Variants in RCN3 observed in about 807,000 individuals in gnomAD.
RCN3 encodes the protein reticulocalbin 3.
RCN3 carries 41 observed loss-of-function variants against 35.9 expected under a neutral mutation model. The ratio of observed to expected loss-of-function variants is 1.14; its 90% CI spans 0.89 to 1.48. The LOEUF (loss-of-function observed/expected upper bound fraction) is 1.48. RCN3 is among the 40% of genes most tolerant of loss of function. The probability of loss-of-function intolerance (pLI) is 0.00; values close to 1 mark genes in which losing one functional copy is unlikely to be tolerated. For synonymous variants in RCN3, 187 were observed against 193.4 expected (o/e 0.97, Z 0.27); for missense variants, 451 against 471.3 (o/e 0.96, Z 0.40).
chr19:49,534,366 G>A lies in RCN3; in HGVS notation c.416G>A (p.Arg139His). 6 of 1,537,372 alleles carry A rather than the reference G, an allele frequency of 3.9e-6. No individual in the cohort carries two copies. Among genetic ancestry groups the A allele is most frequent in the Non-Finnish European group, 2.6e-6 (3 of 1,143,408 alleles). The change falls in exon 3 of 7, where the codon CGC becomes CAC. Residue 139 changes from arginine to histidine, a missense_variant. Arg to His is a conservative substitution (Grantham distance 29, BLOSUM62 0). Coordinates refer to ENST00000270645, the MANE Select transcript of RCN3 (RefSeq NM_020650.3). ...GGGCGTGTGGGTTGGGAGGAGCTGCGCAACGCCACCTATGGCCACTACGCG... is the reference window on the plus strand; with the variant it reads ...GGGCGTGTGGGTTGGGAGGAGCTGCACAACGCCACCTATGGCCACTACGCG... Reference protein sequence around the residue: ...RDGRVGWEELRNATYGHYAPG... With the variant: ...RDGRVGWEELHNATYGHYAPG...
intron 5 of RCN3, 66 bp from the exon 6 acceptor site, chr19:49,542,487 C>A (rs2080167210): frequency 1.7e-6 from 2 of 1,179,460 alleles, no homozygotes; most frequent in Non-Finnish European, 2.4e-6. Flanking sequence ...GAGCCAGGAT[C>A]AGCCCCCAGC....
At chr19:49,535,275 TC>T (rs960942566) in intron 3 of RCN3, among the ~76,000 whole-genome samples, 2 of 152,070 alleles carry the variant, frequency 1.3e-5, no homozygotes, top group African/African-American at 2.4e-5. Context: ...ACAATGCCCG[TC>T]CCCTCCTCTC....
chr19:49,533,862 G>A (rs944056698), intron 2 of RCN3, among the ~76,000 whole-genome samples: 4 of 152,176 alleles, frequency 2.6e-5, no homozygotes, highest in African/African-American at 9.7e-5. Flanking sequence ...TCGGCCCAGC[G>A]AGAGGTGCAG....
At chr19:49,534,760 C>T (rs10419198) in intron 3 of RCN3, among the ~76,000 whole-genome samples, 65,567 of 151,844 alleles carry the variant, frequency 0.43, 18,464 homozygotes, top group African/African-American at 0.81. Flanking sequence ...CCCTTCAGGG[C>T]TTTCATTCTG....
chr19:49,534,045 T>A (rs2122723266), intron 2 of RCN3, 148 bp from the exon 3 acceptor site: 1 of 816,134 alleles, frequency 1.2e-6, no homozygotes, highest in East Asian at 3.3e-5. Flanking sequence ...GGTCCCGAAA[T>A]TGACCCGCGC....
chr19:49,542,420 C>T (rs1009169303), intron 5 of RCN3, 133 bp from the exon 6 acceptor site: 8 of 609,916 alleles, frequency 1.3e-5, no homozygotes, highest in African/African-American at 3.7e-5. Context: ...CAGAAGAGGA[C>T]GCTGAGGCGA....
At chr19:49,535,216 A>C (rs1482417486) in intron 3 of RCN3, among the ~76,000 whole-genome samples, 1 of 151,880 alleles carries the variant, frequency 6.6e-6, no homozygotes, top group Non-Finnish European at 1.5e-5. Flanking sequence ...TCCTGAACTC[A>C]CCACACTCTT....
At chr19:49,537,416 C>G (rs2080141769) in intron 4 of RCN3, among the ~76,000 whole-genome samples, 1 of 152,204 alleles carries the variant, frequency 6.6e-6, no homozygotes, top group African/African-American at 2.4e-5. Context: ...CTCTCCTCGT[C>G]TGGCCTTCCC....
intron 2 of RCN3, among the ~76,000 whole-genome samples, chr19:49,530,305 G>A (rs1304682598): frequency 1.4e-5 from 2 of 146,302 alleles, no homozygotes; most frequent in South Asian, 2.2e-4. Flanking sequence ...GACTATGGGT[G>A]CACGCCCACA....
In RCN3 at chr19:49,543,272, G is replaced by T. The variant is rs536427477; in HGVS notation, c.*59G>T. On this transcript the variant is annotated 3_prime_UTR_variant, in exon 7 of 7. Transcript: ENST00000270645. Reference sequence around the variant, plus strand: ...CACAATGACCGGAGGAGGGGCCGCTGTGGTCTGGCCCCCTCCCTGTCCAGG... The same window carrying T: ...CACAATGACCGGAGGAGGGGCCGCTTTGGTCTGGCCCCCTCCCTGTCCAGG... 4.4e-4 allele frequency: 607 copies of T among 1,378,310 alleles called. 4 individuals carry two copies. The African/African-American group carries it at 8.0e-3, about 18-fold the overall frequency. 85.4% of individuals were successfully genotyped at this position (1,378,310 alleles called of 1,614,324 possible). A position where few individuals can be genotyped will look rare whatever the true frequency, so the allele number is the denominator to read the frequency against.
At position 49,528,506 on chromosome 19, in the gene RCN3, T is replaced by C. The variant is rs1601204887; in HGVS notation, c.34T>C (p.Leu12=). 6.5e-7 allele frequency: 1 copy of C among 1,538,952 alleles called. No individual in the cohort carries two copies. The highest frequency in any genetic ancestry group is 2.3e-5 in the East Asian group (1 of 42,630). Residue 12 remains leucine (L), a synonymous_variant, in exon 2 of 7, where the codon TTG becomes CTG. Transcript: ENST00000270645. The part of the protein sequence containing the change: ...MWRPSVLLLL[L]LLRHGAQGKP... Reference sequence around the variant, plus strand: ...GCGACCATCAGTTCTGCTGCTTCTGTTGCTACTGAGGCACGGGGCCCAGGG... The same window carrying C: ...GCGACCATCAGTTCTGCTGCTTCTGCTGCTACTGAGGCACGGGGCCCAGGG...
chr19:49,532,941 G>A (rs2080116117), intron 2 of RCN3, among the ~76,000 whole-genome samples: 2 of 152,162 alleles, frequency 1.3e-5, no homozygotes, highest in African/African-American at 2.4e-5. Context: ...TTCCCAAAGT[G>A]CTGGGATTAC....
At chr19:49,531,472 A>G (rs28539216) in intron 2 of RCN3, among the ~76,000 whole-genome samples, 3 of 152,272 alleles carry the variant, frequency 2.0e-5, no homozygotes, top group East Asian at 1.9e-4. Flanking sequence ...CTTTTCTCCA[A>G]TTGAGAGTAG....
chr19:49,534,170 C>G (rs1401992961), intron 2 of RCN3, 23 bp from the exon 3 acceptor site: 1 of 1,475,594 alleles, frequency 6.8e-7, no homozygotes, highest in East Asian at 2.7e-5. Flanking sequence ...CAGAGCCTGA[C>G]GTGTGCCCGC....
intron 3 of RCN3, among the ~76,000 whole-genome samples, chr19:49,535,305 C>G (rs569532809): frequency 6.6e-6 from 1 of 152,160 alleles, no homozygotes; most frequent in African/African-American, 2.4e-5. Flanking sequence ...CATCTCAGTC[C>G]CTGTAAGCTA....
chr19:49,531,889 C>T (rs2080109640), intron 2 of RCN3, among the ~76,000 whole-genome samples: 1 of 152,072 alleles, frequency 6.6e-6, no homozygotes, highest in Admixed American at 6.6e-5. Flanking sequence ...CAAGCTCCAC[C>T]TCCCGGGTTC....
chr19:49,538,175 T>C (rs2080145898), intron 4 of RCN3, among the ~76,000 whole-genome samples: 4 of 149,420 alleles, frequency 2.7e-5, no homozygotes. Flanking sequence ...TTTTTTTTTT[T>C]TTTTTCAGAC....
Position 49,543,353 on chromosome 19 carries a change from A to G in RCN3, c.*140A>G. On this transcript the variant is annotated 3_prime_UTR_variant, in exon 7 of 7. Transcript: ENST00000270645. The stretch of plus-strand genomic sequence containing the variant: ...TCCTCCTGCCCCTGGGCTCTCAGGG[A>G]CCCCCTGGGTCGGCTTCTGTCCCTG... 1.4e-6 allele frequency: 1 copy of G among 712,344 alleles called. No individual in the cohort carries two copies. Among genetic ancestry groups the G allele is most frequent in the Non-Finnish European group, 2.4e-6 (1 of 409,984 alleles). The allele number at this position is 712,344 out of a possible 1,614,324, so 44.1% of individuals were successfully genotyped here. A position where few individuals can be genotyped will look rare whatever the true frequency, so the allele number is the denominator to read the frequency against.
rs1342953315 is a variant in RCN3, at chr19:49,528,583, G to A, written c.111G>A (p.Ala37=). 1 of 1,608,956 alleles carries A rather than the reference G, an allele frequency of 6.2e-7. No homozygotes were observed. Among genetic ancestry groups the A allele is most frequent in the South Asian group, 1.1e-5 (1 of 90,288 alleles). ...ATGGCCAGGGGAGGGTGCACCAGGC[G>A]GCCCCCCTGAGCGACGCTCCCCATG... The part of the protein sequence containing the change: ...GPHGQGRVHQ[A]APLSDAPHDD... Residue 37 remains alanine, a synonymous_variant, in exon 2 of 7, where the codon GCG becomes GCA. Coordinates refer to ENST00000270645, the MANE Select transcript of RCN3 (RefSeq NM_020650.3).
Sources: allele counts gnomAD v4.1 joint callset (sites outside exome capture counted in the v4.1 genomes callset), GRCh38; gene constraint gnomAD v4.1.1; transcripts MANE v1.5; gene names NCBI Gene and HGNC (gene_info 2026-07-23, HGNC 2026-07-21).